Variants in UBE2K observed in about 807,000 individuals in gnomAD.
UBE2K encodes the protein ubiquitin-conjugating enzyme E2 K.
In UBE2K, 6 loss-of-function variants were observed where a neutral mutation model predicts 30.0. That is an observed-to-expected ratio of 0.20 (90% CI 0.11 to 0.39). The LOEUF is 0.39. Among genes scored for constraint, UBE2K ranks in the 10% least tolerant of loss-of-function variants. The pLI is 1.00. For synonymous variants in UBE2K, 86 were observed against 83.7 expected (o/e 1.03, Z -0.15); for missense variants, 61 against 241.6 (o/e 0.25, Z 4.96).
chr4:39,701,710 A>G (rs1459842026), intron 1 of UBE2K, among the ~76,000 whole-genome samples: 1 of 151,822 alleles, frequency 6.6e-6, no homozygotes, highest in Non-Finnish European at 1.5e-5. Context: ...CATTGAAATA[A>G]GTGTTACCTA....
chr4:39,753,997 C>G (rs2109372476), intron 3 of UBE2K, among the ~76,000 whole-genome samples: 1 of 152,234 alleles, frequency 6.6e-6, no homozygotes, highest in East Asian at 1.9e-4. Flanking sequence ...ACTCCAGACT[C>G]CAGCCTGAGC....
rs555672852 is a variant in UBE2K, at chr4:39,732,161, A to G, written c.64-5259A>G. On this transcript the variant is annotated intron_variant, in intron 1 of 6. Transcript: ENST00000261427. ...TTTACTGTGTGGCAGGCATTGTTCT[A>G]TATACTTTATTCGTTAAATTCACCA... is the stretch of plus-strand genomic sequence containing the variant. Among the ~76,000 whole-genome samples the G allele has an allele frequency of 4.6e-5, 7 of 152,284 alleles. No individual in the cohort carries two copies. The East Asian group carries it at 1.3e-3, about 29-fold the overall frequency.
intron 2 of UBE2K, among the ~76,000 whole-genome samples, chr4:39,744,898 C>T (rs1447496545): frequency 7.1e-6 from 1 of 141,818 alleles, no homozygotes; most frequent in African/African-American, 2.7e-5. Context: ...CAGAGCGAGA[C>T]TCTGTCTCAA....
intron 2 of UBE2K, among the ~76,000 whole-genome samples, chr4:39,738,405 CCT>C (rs1720495093): frequency 1.3e-5 from 2 of 152,144 alleles, no homozygotes. Context: ...CAACTGATAG[CCT>C]TTGTCTTCAA....
chr4:39,769,112 A>G (rs1475613042), intron 4 of UBE2K, among the ~76,000 whole-genome samples: 1 of 151,870 alleles, frequency 6.6e-6, no homozygotes, highest in Non-Finnish European at 1.5e-5. Context: ...GATTACAGAC[A>G]TGAGCCACCA....
intron 2 of UBE2K, among the ~76,000 whole-genome samples, chr4:39,745,544 C>G (rs1720945956): frequency 6.6e-6 from 1 of 152,170 alleles, no homozygotes; most frequent in Non-Finnish European, 1.5e-5. Context: ...TAAACTAATA[C>G]AGTTGTATGA....
rs960501824 is a variant in UBE2K, at chr4:39,748,584, A to G, written c.216+2774A>G. Among the ~76,000 whole-genome samples the G allele has an allele frequency of 9.2e-5, 14 of 151,700 alleles. No individual in the cohort carries two copies. In the East Asian group the frequency reaches 2.1e-3, roughly 23 times the overall value. On this transcript the variant is annotated intron_variant, in intron 3 of 6. Coordinates refer to ENST00000261427, the MANE Select transcript of UBE2K (RefSeq NM_005339.5). ...CGTTTGAGCTCGGGAGTTTGAGTTC[A>G]GCCTGGACAACATAGCAAGGCCCTG...
rs377162521 is a variant in UBE2K, at chr4:39,750,695, C to T, written c.216+4885C>T. Among the ~76,000 whole-genome samples the T allele has an allele frequency of 8.0e-5, 12 of 150,682 alleles. No homozygotes were observed. The South Asian group carries it at 1.3e-3, about 16-fold the overall frequency. On this transcript the variant is annotated intron_variant, in intron 3 of 6. Coordinates refer to ENST00000261427, the MANE Select transcript of UBE2K (RefSeq NM_005339.5). ...GTGCTTGATTCACTGTGCTGGGCCA[C>T]GGAGATAATCTTGAAGATTAAATTC...
chr4:39,771,146 T>C, intron 4 of UBE2K: 2 of 1,612,722 alleles, frequency 1.2e-6, no homozygotes, highest in South Asian at 2.2e-5. Flanking sequence ...ACGATGTCCC[T>C]AACAGCGAAT....
At chr4:39,699,883 G>A (rs997487105) in intron 1 of UBE2K, among the ~76,000 whole-genome samples, 1 of 152,114 alleles carries the variant, frequency 6.6e-6, no homozygotes, top group African/African-American at 2.4e-5. Context: ...CTGAATGGAA[G>A]GATGACTTTG....
chr4:39,744,377 T>C (rs1720872880), intron 2 of UBE2K, among the ~76,000 whole-genome samples: 1 of 151,104 alleles, frequency 6.6e-6, no homozygotes, highest in African/African-American at 2.4e-5. Flanking sequence ...TTTCACCATG[T>C]TAGCCAGGAT....
At chr4:39,740,175 A>AT (rs895505560) in intron 2 of UBE2K, among the ~76,000 whole-genome samples, 1 of 151,052 alleles carries the variant, frequency 6.6e-6, no homozygotes, top group Non-Finnish European at 1.5e-5. Flanking sequence ...TTATTCTTGA[A>AT]TTTTTTTTTA....
intron 1 of UBE2K, among the ~76,000 whole-genome samples, chr4:39,703,788 A>G (rs1232923359): frequency 6.7e-6 from 1 of 148,762 alleles, no homozygotes; most frequent in Non-Finnish European, 1.5e-5. Flanking sequence ...TGGAGGTTGC[A>G]GTGAGCGAGA....
At chr4:39,720,523 G>A (rs921206337) in intron 1 of UBE2K, among the ~76,000 whole-genome samples, 6 of 152,150 alleles carry the variant, frequency 3.9e-5, no homozygotes, top group Non-Finnish European at 8.8e-5. Context: ...AAGGCAGTGA[G>A]AAATTGAACA....
At chr4:39,767,289 C>CT (rs901027944) in intron 4 of UBE2K, among the ~76,000 whole-genome samples, 1 of 137,536 alleles carries the variant, frequency 7.3e-6, no homozygotes, top group African/African-American at 2.9e-5. Flanking sequence ...TATCAGTTTT[C>CT]TTTTTTTCTG....
chr4:39,753,841 C>T (rs548906402), intron 3 of UBE2K, among the ~76,000 whole-genome samples: 2 of 152,184 alleles, frequency 1.3e-5, no homozygotes, highest in South Asian at 2.1e-4. Flanking sequence ...TGGGCTTGGC[C>T]GGGCATGATG....
Position 39,781,636 on chromosome 4 carries a change from T to A in UBE2K, c.*3202T>A. Reference sequence around the variant, plus strand: ...ATTATGAATTTTTGTTGTTATTGTTTTAAAGATTTAAGATGGATTGGGGTA... The same window carrying A: ...ATTATGAATTTTTGTTGTTATTGTTATAAAGATTTAAGATGGATTGGGGTA... On this transcript the variant is annotated 3_prime_UTR_variant, in exon 7 of 7. Transcript: ENST00000261427. The A allele has an allele frequency of 3.3e-6, 1 of 300,270 alleles. No homozygotes were observed. The highest frequency in any genetic ancestry group is 6.1e-6 in the Non-Finnish European group (1 of 164,078). 18.6% of individuals were successfully genotyped at this position (300,270 alleles called of 1,614,324 possible). A position where few individuals can be genotyped will look rare whatever the true frequency, so the allele number is the denominator to read the frequency against.
Position 39,781,738 on chromosome 4 carries a change from G to T in UBE2K, c.*3304G>T. On this transcript the variant is annotated 3_prime_UTR_variant, in exon 7 of 7. Coordinates refer to ENST00000261427, the MANE Select transcript of UBE2K (RefSeq NM_005339.5). ...TTAGATAGGAAAAAGGAAGCCGTCT[G>T]TTTACAGTTAACTTTATTTCATGGA... The T allele has an allele frequency of 2.5e-6, 1 of 392,242 alleles. No homozygotes were observed. The highest frequency in any genetic ancestry group is 4.5e-6 in the Non-Finnish European group (1 of 222,128). 24.3% of individuals were successfully genotyped at this position (392,242 alleles called of 1,614,324 possible).
chr4:39,767,140 C>T (rs1712393059), intron 4 of UBE2K, among the ~76,000 whole-genome samples: 1 of 152,134 alleles, frequency 6.6e-6, no homozygotes, highest in African/African-American at 2.4e-5. Context: ...TCCAAGGAAT[C>T]ATTGCCAAAT....
Sources: allele counts gnomAD v4.1 joint callset (sites outside exome capture counted in the v4.1 genomes callset), GRCh38; gene constraint gnomAD v4.1.1; transcripts MANE v1.5; gene names NCBI Gene and HGNC (gene_info 2026-07-23, HGNC 2026-07-21).